Variants in RAVER2 observed in about 807,000 individuals in gnomAD.
RAVER2 encodes the protein ribonucleoprotein PTB-binding 2.
RAVER2 carries 46 observed loss-of-function variants against 78.1 expected under a neutral mutation model. The observed-to-expected ratio is 0.59, with a 90% CI of 0.46 to 0.75. RAVER2 has a LOEUF of 0.75. RAVER2 is among the 30% of genes least tolerant of loss of function. The pLI, the probability that RAVER2 is intolerant of heterozygous loss-of-function variation, is 0.00. For synonymous variants in RAVER2, 311 were observed against 313.3 expected (o/e 0.99, Z 0.08); for missense variants, 793 against 837.5 (o/e 0.95, Z 0.66).
At chr1:64,827,103 A>G (rs1654020549) in intron 11 of RAVER2, among the ~76,000 whole-genome samples, 2 of 152,188 alleles carry the variant, frequency 1.3e-5, no homozygotes, top group African/African-American at 2.4e-5. Context: ...CATTCCTGTA[A>G]ATCGCTATAA....
chr1:64,790,910 A>G (rs920883580), intron 5 of RAVER2, among the ~76,000 whole-genome samples: 3 of 152,196 alleles, frequency 2.0e-5, no homozygotes, highest in Admixed American at 6.5e-5. Flanking sequence ...TAAGAGCTCA[A>G]TCTTCCATAT....
At chr1:64,813,371 A>G (rs1653673257) in intron 10 of RAVER2, among the ~76,000 whole-genome samples, 1 of 152,210 alleles carries the variant, frequency 6.6e-6, no homozygotes, top group African/African-American at 2.4e-5. Flanking sequence ...TCATCATAAA[A>G]TTGAATACTG....
chr1:64,784,856 G>A (rs1422900590), intron 4 of RAVER2, among the ~76,000 whole-genome samples: 2 of 152,104 alleles, frequency 1.3e-5, no homozygotes, highest in African/African-American at 2.4e-5. Context: ...CACCTCCTAA[G>A]ATCTCTCAAA....
chr1:64,823,466 G>A (rs1228569981), intron 11 of RAVER2, among the ~76,000 whole-genome samples: 1 of 152,162 alleles, frequency 6.6e-6, no homozygotes, highest in Non-Finnish European at 1.5e-5. Context: ...CACTCTAGCA[G>A]TTATTAATAG....
intron 1 of RAVER2, among the ~76,000 whole-genome samples, chr1:64,748,351 T>C (rs12043554): frequency 0.096 from 14,577 of 152,246 alleles, 1,018 homozygotes; most frequent in East Asian, 0.28. Context: ...CCTACCTTCA[T>C]TACTGTCCTG....
At chr1:64,804,252 T>G (rs1653349169) in intron 6 of RAVER2, among the ~76,000 whole-genome samples, 1 of 152,192 alleles carries the variant, frequency 6.6e-6, no homozygotes, top group African/African-American at 2.4e-5. Context: ...CCTCCACTAT[T>G]TGTTCTTATA....
intron 5 of RAVER2, among the ~76,000 whole-genome samples, chr1:64,790,639 A>C (rs2100853603): frequency 6.6e-6 from 1 of 152,352 alleles, no homozygotes; most frequent in Admixed American, 6.5e-5. Context: ...ATTATGAAGA[A>C]GGAAAATGAA....
chr1:64,745,309 C>CCGCCGCGCTGCACCCTGAGGAGGT lies in RAVER2; in HGVS notation c.146_169dup (p.Leu49_Ala56dup), dbSNP rs758287229. 15 of 1,513,022 alleles carry CCGCCGCGCTGCACCCTGAGGAGGT rather than the reference C, an allele frequency of 9.9e-6. No individual in the cohort carries two copies. In the South Asian group the frequency reaches 1.2e-4, roughly 12 times the overall value. 93.7% of individuals were successfully genotyped at this position (1,513,022 alleles called of 1,614,324 possible). A position where few individuals can be genotyped will look rare whatever the true frequency, so the allele number is the denominator to read the frequency against. ...CACGAGGGCGCCCCGGACCCGATGC[C>CCGCCGCGCTGCACCCTGAGGAGGT]CGCCGCGCTGCACCCTGAGGAGGTC... On this transcript the variant is annotated inframe_insertion, in exon 1 of 12. Transcript: ENST00000294428. The surrounding 1 kb of genome is among the most constrained non-coding windows in gnomAD (Gnocchi z 4.3).
chr1:64,787,878 C>T (rs1239764934), intron 4 of RAVER2, among the ~76,000 whole-genome samples: 1 of 152,160 alleles, frequency 6.6e-6, no homozygotes, highest in Non-Finnish European at 1.5e-5. Flanking sequence ...TTCTATCTCC[C>T]CAGGGGTTTC....
At chr1:64,787,668 C>T (rs907360289) in intron 4 of RAVER2, among the ~76,000 whole-genome samples, 22 of 152,222 alleles carry the variant, frequency 1.4e-4, no homozygotes, top group African/African-American at 4.8e-4. Context: ...TGTCTCTGCA[C>T]TTGTGTGCCA....
chr1:64,772,424 A>T (rs1399619887), intron 2 of RAVER2, among the ~76,000 whole-genome samples: 1 of 152,172 alleles, frequency 6.6e-6, no homozygotes, highest in African/African-American at 2.4e-5. Flanking sequence ...TTCATCTAAC[A>T]CAAAGCTTCT....
exon 9 of RAVER2, chr1:64,807,455 G>A (rs867917411): frequency 2.5e-6 from 4 of 1,613,962 alleles, no homozygotes; most frequent in African/African-American, 1.3e-5. Context: ...CAGCCAAAAG[G>A]CACAGAGATA....
At chr1:64,791,074 C>A (rs926627315) in intron 5 of RAVER2, among the ~76,000 whole-genome samples, 1 of 152,138 alleles carries the variant, frequency 6.6e-6, no homozygotes, top group African/African-American at 2.4e-5. Context: ...AAGCACTATG[C>A]TTATGAATAC....
At chr1:64,758,195 CA>C (rs992840158) in intron 1 of RAVER2, among the ~76,000 whole-genome samples, 1 of 152,156 alleles carries the variant, frequency 6.6e-6, no homozygotes, top group Admixed American at 6.5e-5. Context: ...TGTAAGTGTA[CA>C]GTAAATGCTA....
At position 64,807,502 on chromosome 1, in the gene RAVER2, G is replaced by A. The variant is rs752321187; in HGVS notation, c.1680+28G>A. On this transcript the variant is annotated intron_variant, in intron 9 of 11. Transcript: ENST00000294428. ...AAGAAAACTGTGGGTGCACACAGAT[G>A]TATATATACATGTATATGTATATAT... 3 of 1,606,154 alleles carry A rather than the reference G, an allele frequency of 1.9e-6. No homozygotes were observed. The East Asian group carries it at 6.7e-5, about 36-fold the overall frequency.
intron 5 of RAVER2, among the ~76,000 whole-genome samples, 175 bp downstream of exon 5, chr1:64,789,689 T>C (rs1052002471): frequency 3.3e-5 from 5 of 152,190 alleles, no homozygotes; most frequent in Non-Finnish European, 7.4e-5. Flanking sequence ...TGAGGTGATA[T>C]ATTTTGACTA....
intron 1 of RAVER2, among the ~76,000 whole-genome samples, chr1:64,750,330 A>G (rs1469950352): frequency 6.7e-6 from 1 of 149,010 alleles, no homozygotes; most frequent in African/African-American, 2.5e-5. Flanking sequence ...TTAAAGAGAC[A>G]GAGCAAGATT....
At chr1:64,775,048 G>A (rs1286497668) in intron 2 of RAVER2, among the ~76,000 whole-genome samples, 1 of 152,170 alleles carries the variant, frequency 6.6e-6, no homozygotes, top group African/African-American at 2.4e-5. Flanking sequence ...CGTTGCTGAA[G>A]TTGCTTATCA....
chr1:64,750,410 G>A (rs574668673), intron 1 of RAVER2, among the ~76,000 whole-genome samples: 1 of 151,452 alleles, frequency 6.6e-6, no homozygotes, highest in Non-Finnish European at 1.5e-5. Context: ...CTGGGCTCAA[G>A]TGATCTTTCC....
Sources: allele counts gnomAD v4.1 joint callset (sites outside exome capture counted in the v4.1 genomes callset), GRCh38; gene constraint gnomAD v4.1.1; non-coding constraint Gnocchi (gnomAD v3.1); transcripts MANE v1.5; gene names NCBI Gene and HGNC (gene_info 2026-07-23, HGNC 2026-07-21).